UNC5C: variants seen among roughly 807,000 people sequenced by gnomAD.
UNC5C encodes unc-5 netrin receptor C.
Under a neutral mutation model 99.8 loss-of-function variants are expected in UNC5C, and 47 were observed. That is an observed-to-expected ratio of 0.47 (90% CI 0.37 to 0.60). The LOEUF is 0.60. Among genes scored for constraint, UNC5C ranks in the 20% least tolerant of loss-of-function variants. The probability of loss-of-function intolerance (pLI) is 0.00; values close to 1 mark genes in which losing one functional copy is unlikely to be tolerated. For synonymous variants in UNC5C, 487 were observed against 452.2 expected (o/e 1.08, Z -0.98); for missense variants, 1,062 against 1,165.9 (o/e 0.91, Z 1.30).
intron 1 of UNC5C, among the ~76,000 whole-genome samples, chr4:95,435,368 G>C (rs2149461624): frequency 6.6e-6 from 1 of 152,062 alleles, no homozygotes; most frequent in East Asian, 1.9e-4. Context: ...ACCACAGCTA[G>C]GTTCACCGTC....
intron 4 of UNC5C, among the ~76,000 whole-genome samples, chr4:95,269,725 T>A (rs956744146): frequency 2.6e-5 from 4 of 151,856 alleles, no homozygotes; most frequent in East Asian, 1.9e-4. Flanking sequence ...TTTTTTTTTT[T>A]AAATGAGACC....
intron 1 of UNC5C, among the ~76,000 whole-genome samples, chr4:95,510,505 G>A (rs1722042209): frequency 1.3e-5 from 2 of 151,950 alleles, no homozygotes; most frequent in Admixed American, 6.6e-5. Flanking sequence ...CAGAATTAAA[G>A]CAAGTCATAT....
intron 12 of UNC5C, among the ~76,000 whole-genome samples, chr4:95,190,616 C>G (rs545343040): frequency 1.3e-5 from 2 of 152,118 alleles, no homozygotes; most frequent in Non-Finnish European, 2.9e-5. Context: ...CTGCGCCCAG[C>G]CCCCCTTGTA....
intron 2 of UNC5C, among the ~76,000 whole-genome samples, chr4:95,321,880 A>G (rs949041856): frequency 6.6e-6 from 1 of 152,190 alleles, no homozygotes; most frequent in African/African-American, 2.4e-5. Flanking sequence ...GGTCCTTATC[A>G]ATTTTCTATT....
chr4:95,247,819 A>G (rs1309008278), intron 5 of UNC5C: 4 of 152,254 alleles, frequency 2.6e-5, no homozygotes, highest in Non-Finnish European at 5.9e-5. Context: ...AAACATCTAT[A>G]TAATACAACT....
At chr4:95,462,576 C>T (rs563176688) in intron 1 of UNC5C, among the ~76,000 whole-genome samples, 6 of 152,136 alleles carry the variant, frequency 3.9e-5, no homozygotes, top group African/African-American at 7.2e-5. Context: ...GGAGGTAATT[C>T]GGTTTTAAGG....
At chr4:95,175,651 A>C (rs1736310156) in intron 14 of UNC5C, among the ~76,000 whole-genome samples, 1 of 152,040 alleles carries the variant, frequency 6.6e-6, no homozygotes, top group Non-Finnish European at 1.5e-5. Flanking sequence ...GGGTAACCCG[A>C]CCTTTCTCTC....
intron 1 of UNC5C, among the ~76,000 whole-genome samples, chr4:95,486,450 A>G (rs1721330310): frequency 7.2e-6 from 1 of 138,144 alleles, no homozygotes; most frequent in African/African-American, 2.5e-5. Flanking sequence ...TTCTACTGTC[A>G]CTGACATAGT....
intron 1 of UNC5C, among the ~76,000 whole-genome samples, chr4:95,410,002 CCT>C (rs1380378275): frequency 6.6e-6 from 1 of 152,134 alleles, no homozygotes; most frequent in Non-Finnish European, 1.5e-5. Flanking sequence ...ATGGCTCTAC[CCT>C]CTTATAGTAG....
chr4:95,304,802 A>G (rs571610137), intron 2 of UNC5C, among the ~76,000 whole-genome samples: 1 of 152,332 alleles, frequency 6.6e-6, no homozygotes, highest in South Asian at 2.1e-4. Flanking sequence ...TCAGGATATT[A>G]CAACCACATC....
intron 7 of UNC5C, among the ~76,000 whole-genome samples, chr4:95,236,248 G>T (rs533197145): frequency 1.6e-3 from 246 of 152,252 alleles, no homozygotes; most frequent in Non-Finnish European, 2.8e-3. Flanking sequence ...GGAATACTAT[G>T]CAGCCATAAA....
intron 13 of UNC5C, 56 bp from the exon 14 acceptor site, chr4:95,183,117 T>C: frequency 1.3e-6 from 2 of 1,535,368 alleles, no homozygotes; most frequent in Non-Finnish European, 1.8e-6. Context: ...AAAATAACTC[T>C]CAGATGGTCT....
chr4:95,189,628 TCAAA>T (rs757677915), intron 12 of UNC5C, among the ~76,000 whole-genome samples: 109 of 152,108 alleles, frequency 7.2e-4, no homozygotes, highest in Non-Finnish European at 1.3e-3. Context: ...TACAATGAAC[TCAAA>T]CAAATTTACG....
At chr4:95,330,358 C>T (rs577892168) in intron 2 of UNC5C, among the ~76,000 whole-genome samples, 49 of 152,094 alleles carry the variant, frequency 3.2e-4, no homozygotes, top group Middle Eastern at 3.5e-3. Flanking sequence ...TAAACATATT[C>T]GACCTTTCCA....
In UNC5C at chr4:95,446,114, C is replaced by G. The variant is rs183115633; in HGVS notation, c.124+102620G>C. ...CTAAAGAGACCGGCCTCATTCAGAACTCATCTGTTCTTAAGTAACCAACGA... is the reference window on the plus strand; with the variant it reads ...CTAAAGAGACCGGCCTCATTCAGAAGTCATCTGTTCTTAAGTAACCAACGA... On this transcript the variant is annotated intron_variant, in intron 1 of 15. Coordinates refer to ENST00000453304, the MANE Select transcript of UNC5C (RefSeq NM_003728.4). 3.9e-5 allele frequency among the ~76,000 whole-genome samples: 6 copies of G among 152,128 alleles called. No individual in the cohort carries two copies. The East Asian group carries it at 1.2e-3, about 30-fold the overall frequency.
At position 95,181,089 on chromosome 4, in the gene UNC5C, A is replaced by G. The variant is rs577579554; in HGVS notation, c.2451+1808T>C. On this transcript the variant is annotated intron_variant, in intron 14 of 15. Coordinates refer to ENST00000453304, the MANE Select transcript of UNC5C (RefSeq NM_003728.4). ...CTAACCACAACAGTGGGATTCAGTG[A>G]CCCAGAAGGAAAAGCCGCAGAGTGC... is the stretch of plus-strand genomic sequence containing the variant. Among the ~76,000 whole-genome samples, 8 of 152,172 alleles carry G rather than the reference A, an allele frequency of 5.3e-5. No individual in the cohort carries two copies. The South Asian group carries it at 1.7e-3, about 32-fold the overall frequency.
chr4:95,333,342 T>C (rs866428009), intron 2 of UNC5C, among the ~76,000 whole-genome samples: 10 of 151,948 alleles, frequency 6.6e-5, no homozygotes, highest in African/African-American at 1.9e-4. Flanking sequence ...CAACGATAGA[T>C]TGGATTAAGA....
intron 1 of UNC5C, among the ~76,000 whole-genome samples, chr4:95,523,689 C>T (rs1026946113): frequency 6.6e-6 from 1 of 152,004 alleles, no homozygotes; most frequent in Non-Finnish European, 1.5e-5. Flanking sequence ...TAATTAATAA[C>T]AAAATAATTT....
intron 1 of UNC5C, among the ~76,000 whole-genome samples, chr4:95,528,731 T>C (rs1267051301): frequency 1.3e-5 from 2 of 152,074 alleles, no homozygotes; most frequent in East Asian, 3.9e-4. Flanking sequence ...AGGGACTCTG[T>C]GCAGCTCCCC....
Sources: allele counts gnomAD v4.1 joint callset (sites outside exome capture counted in the v4.1 genomes callset), GRCh38; gene constraint gnomAD v4.1.1; transcripts MANE v1.5; gene names NCBI Gene and HGNC (gene_info 2026-07-23, HGNC 2026-07-21).